The following NCOA1 variants were observed in gnomAD, a reference collection of about 807,000 sequenced individuals.
NCOA1 encodes Hin-2 protein.
A neutral mutation model predicts 150.9 loss-of-function variants in NCOA1; 35 were observed. The observed-to-expected ratio is 0.23, with a 90% CI of 0.18 to 0.31. The LOEUF is 0.31. Among genes scored for constraint, NCOA1 ranks in the 10% least tolerant of loss-of-function variants. The pLI, the probability that NCOA1 is intolerant of heterozygous loss-of-function variation, is 1.00. For missense variants in NCOA1, 1,491 were observed against 1,749.3 expected (o/e 0.85, Z 2.63); for synonymous variants, 590 against 630.0 (o/e 0.94, Z 0.95).
At chr2:24,673,516 T>C (rs975818509) in intron 7 of NCOA1, 53 bp downstream of exon 7, 60 of 1,342,334 alleles carry the variant, frequency 4.5e-5, no homozygotes, top group South Asian at 5.7e-5. Context: ...TGTAGCCAGT[T>C]TGGTTTTTTC....
In NCOA1 at chr2:24,768,056, G is replaced by A. The variant is rs190134490; in HGVS notation, c.4156-165G>A. ...CTTTCCAGAACCCTGAGCAAAATGA[G>A]TGCAGCGATTTTCTTTTTGTAGGAC... On this transcript the variant is annotated intron_variant, in intron 22 of 22. Coordinates refer to ENST00000348332, the MANE Select transcript of NCOA1 (RefSeq NM_003743.5). The A allele has an allele frequency of 4.5e-4, 722 of 1,612,598 alleles. 1 individual carries two copies. Among genetic ancestry groups the A allele is most frequent in the Non-Finnish European group, 6.0e-4 (704 of 1,179,072 alleles).
intron 1 of NCOA1, among the ~76,000 whole-genome samples, chr2:24,548,381 GTCTT>G (rs1665691819): frequency 6.6e-6 from 1 of 152,218 alleles, no homozygotes; most frequent in Non-Finnish European, 1.5e-5. Flanking sequence ...CTCCTACCAG[GTCTT>G]TCCCACAACG....
chr2:24,502,354 A>G (rs1663501084), intron 1 of NCOA1, among the ~76,000 whole-genome samples: 1 of 152,128 alleles, frequency 6.6e-6, no homozygotes, highest in South Asian at 2.1e-4. Flanking sequence ...CCTCACTGAC[A>G]TTCTAGTTCA....
intron 1 of NCOA1, among the ~76,000 whole-genome samples, chr2:24,516,925 C>T (rs537835803): frequency 4.5e-4 from 25 of 56,098 alleles, no homozygotes; most frequent in East Asian, 2.1e-3. Context: ...TGTGTGTGCG[C>T]GCGTGTGTAT....
At chr2:24,714,145 A>G (rs1018329107) in intron 14 of NCOA1, among the ~76,000 whole-genome samples, 1 of 152,210 alleles carries the variant, frequency 6.6e-6, no homozygotes, top group Admixed American at 6.5e-5. Flanking sequence ...TCACTTTAAG[A>G]GTGGATTTAC....
intron 2 of NCOA1, among the ~76,000 whole-genome samples, chr2:24,573,504 T>A (rs550266892): frequency 1.3e-5 from 2 of 152,272 alleles, no homozygotes; most frequent in East Asian, 3.9e-4. Context: ...ATGCATTTAA[T>A]GCTAGTAAAA....
chr2:24,665,705 T>C lies in NCOA1; in HGVS notation c.90-44T>C, dbSNP rs141688071. 9.3e-6 allele frequency: 13 copies of C among 1,395,782 alleles called. No homozygotes were observed. In the African/African-American group the frequency reaches 1.8e-4, roughly 19 times the overall value. The allele number at this position is 1,395,782 out of a possible 1,614,324, so 86.5% of individuals were successfully genotyped here. A position where few individuals can be genotyped will look rare whatever the true frequency, so the allele number is the denominator to read the frequency against. On this transcript the variant is annotated intron_variant, in intron 5 of 22. Transcript: ENST00000348332. ...AGATACTTGATCAGAGAAGGAAATA[T>C]GGTGATACAAATGTACACTAACTGG...
intron 8 of NCOA1, among the ~76,000 whole-genome samples, chr2:24,685,493 A>G (rs890625610): frequency 6.6e-6 from 1 of 152,186 alleles, no homozygotes; most frequent in Non-Finnish European, 1.5e-5. Flanking sequence ...TGGAACTTGA[A>G]GTTTGAAAAA....
intron 3 of NCOA1, among the ~76,000 whole-genome samples, chr2:24,593,037 T>C (rs893068048): frequency 6.6e-6 from 1 of 152,016 alleles, no homozygotes; most frequent in African/African-American, 2.4e-5. Context: ...AGTTGTAGCT[T>C]TGAATTAATG....
chr2:24,676,850 A>G (rs1231973038), intron 7 of NCOA1, among the ~76,000 whole-genome samples: 1 of 152,242 alleles, frequency 6.6e-6, no homozygotes, highest in Non-Finnish European at 1.5e-5. Context: ...TATTAATGAC[A>G]GAATCGACCA....
chr2:24,684,549 G>A (rs1053924860), intron 8 of NCOA1, among the ~76,000 whole-genome samples: 2 of 152,150 alleles, frequency 1.3e-5, no homozygotes, highest in African/African-American at 4.8e-5. Flanking sequence ...TGCTGCTCCC[G>A]GCTGCTTACA....
chr2:24,706,893 C>T lies in NCOA1; in HGVS notation c.1423C>T (p.Pro475Ser). 1.2e-6 allele frequency: 2 copies of T among 1,614,172 alleles called. No individual in the cohort carries two copies. The highest frequency in any genetic ancestry group is 1.1e-5 in the South Asian group (1 of 91,072). Residue 475 changes from proline to serine, a missense_variant, in exon 13 of 23, where the codon CCT (proline) becomes TCT (serine). By Grantham distance (74) the Pro-to-Ser change is moderately conservative. Around this residue, in one of 8 missense-constraint regions of NCOA1, gnomAD observed 703 missense variants for 717.7 expected, o/e 0.98. Coordinates refer to ENST00000348332, the MANE Select transcript of NCOA1 (RefSeq NM_003743.5). ...TCCCTCTTTAAACCTCAATAATTCT[C>T]CTATGGAAGGTACAGGAATATCCCT... ...SNPSLNLNNS[P>S]MEGTGISLAQ...
intron 8 of NCOA1, among the ~76,000 whole-genome samples, chr2:24,684,278 T>C (rs1306246223): frequency 1.3e-5 from 2 of 152,236 alleles, no homozygotes; most frequent in Non-Finnish European, 2.9e-5. Flanking sequence ...AATTTAATTT[T>C]AGTCTCATGT....
rs1241960931 is a variant in NCOA1 at position 24,697,599 on chromosome 2, A to T, written c.809-59A>T. The T allele has an allele frequency of 2.8e-6, 4 of 1,437,566 alleles. No individual in the cohort carries two copies. The East Asian group carries it at 9.3e-5, about 33-fold the overall frequency. 89.1% of individuals were successfully genotyped at this position (1,437,566 alleles called of 1,614,324 possible). A position where few individuals can be genotyped will look rare whatever the true frequency, so the allele number is the denominator to read the frequency against. On this transcript the variant is annotated intron_variant, in intron 10 of 22. Transcript: ENST00000348332. ...TCTTAGATGCAGTTGTTAGTTTTGA[A>T]ATACAGATGATTTATATAAAGAGGC...
chr2:24,725,060 C>T (rs1674542883), intron 14 of NCOA1, among the ~76,000 whole-genome samples: 1 of 151,982 alleles, frequency 6.6e-6, no homozygotes, highest in South Asian at 2.1e-4. Flanking sequence ...CTCAGTTATA[C>T]TAAATATTGA....
chr2:24,755,767 A>G (rs1191711101), intron 20 of NCOA1, among the ~76,000 whole-genome samples: 1 of 152,252 alleles, frequency 6.6e-6, no homozygotes, highest in East Asian at 1.9e-4. Context: ...ACAGTCCCAA[A>G]TATTAATTTG....
intron 21 of NCOA1, among the ~76,000 whole-genome samples, chr2:24,759,226 T>C (rs1664654744): frequency 6.6e-6 from 1 of 152,178 alleles, no homozygotes; most frequent in Admixed American, 6.5e-5. Flanking sequence ...ATAGGCCATA[T>C]GTGTTTCTGT....
At chr2:24,700,072 G>A (rs1431233063) in intron 11 of NCOA1, among the ~76,000 whole-genome samples, 3 of 151,842 alleles carry the variant, frequency 2.0e-5, no homozygotes, top group Non-Finnish European at 2.9e-5. Flanking sequence ...GAACCCGGGA[G>A]GTGGAGGTTG....
chr2:24,671,330 C>T (rs1671673857), intron 6 of NCOA1, among the ~76,000 whole-genome samples: 1 of 152,002 alleles, frequency 6.6e-6, no homozygotes, highest in South Asian at 2.1e-4. Context: ...CCCACTGATA[C>T]TAAAATCTGA....
Sources: gnomAD v4.1 joint callset for allele counts (sites outside exome capture counted in the v4.1 genomes callset) on GRCh38, gnomAD v4.1.1 for gene constraint, gnomAD v4.1.1 regional missense constraint, MANE v1.5 for transcripts, NCBI Gene and HGNC (gene_info 2026-07-23, HGNC 2026-07-21) for gene names.